TEKTL1: variants seen among roughly 807,000 people sequenced by gnomAD.
TEKTL1 encodes the protein tektin-like protein 1.
At chr19:15,014,738 C>CGGGGGG in the TEKTL1 span, among the ~76,000 whole-genome samples, 5 of 29,812 alleles carry the variant, frequency 1.7e-4, no homozygotes, top group African/African-American at 5.2e-4. Context: ...GGGCGGGGGG[C>CGGGGGG]GGGGGCTGCT....
chr19:15,022,969 G>A, the TEKTL1 span: 7 of 1,613,484 alleles, frequency 4.3e-6, no homozygotes, highest in Admixed American at 1.2e-4. Context: ...TCAACTGCAA[G>A]AACATCGGGC....
At chr19:15,013,607 T>G in the TEKTL1 span, 317 of 1,278,562 alleles carry the variant, frequency 2.5e-4, no homozygotes, top group African/African-American at 4.4e-3. Context: ...TCTACCACCC[T>G]GGAAAGAGGA....
chr19:15,022,471 GGT>G, the TEKTL1 span, among the ~76,000 whole-genome samples: 3 of 152,140 alleles, frequency 2.0e-5, no homozygotes, highest in Admixed American at 6.5e-5. Flanking sequence ...TGGGATTACA[GGT>G]GCGCGCCACC....
At chr19:15,011,359 C>G in the TEKTL1 span, 8 of 1,452,526 alleles carry the variant, frequency 5.5e-6, no homozygotes, top group African/African-American at 1.2e-4. Context: ...ACCAGCAGAG[C>G]GTCAAGCTGC....
At chr19:15,014,730 G>A in the TEKTL1 span, among the ~76,000 whole-genome samples, 39 of 125,210 alleles carry the variant, frequency 3.1e-4, 1 homozygote, top group Non-Finnish European at 5.3e-4. Context: ...CAGTGGGGGG[G>A]CGGGGGGCGG....
At chr19:15,022,922 G>T in the TEKTL1 span, 17 of 1,608,518 alleles carry the variant, frequency 1.1e-5, no homozygotes, top group Non-Finnish European at 1.4e-5. Flanking sequence ...GAACCTGGAC[G>T]AGCTGCTCGC....
chr19:15,022,993 C>T, the TEKTL1 span: 3 of 1,613,176 alleles, frequency 1.9e-6, no homozygotes, highest in Non-Finnish European at 2.5e-6. Flanking sequence ...AGGTGGACGG[C>T]AACGTGGTGC....
At chr19:15,010,870 C>A in the TEKTL1 span, 7 of 1,556,418 alleles carry the variant, frequency 4.5e-6, no homozygotes, top group South Asian at 1.2e-5. Context: ...AGGACACACG[C>A]GTTGGGGCCC....
the TEKTL1 span, chr19:15,013,662 C>T: frequency 0.54 from 869,369 of 1,600,618 alleles, 238,320 homozygotes; most frequent in African/African-American, 0.69. Flanking sequence ...ATTCTCTCCT[C>T]GTTTTCTAGG....
At chr19:15,022,734 TCCAGGCACACC>T in the TEKTL1 span, 1 of 892,962 alleles carries the variant, frequency 1.1e-6, no homozygotes, top group Non-Finnish European at 1.6e-6. Context: ...TTTTTTTTTT[TCCAGGCACACC>T]TGGCCCATTC....
At chr19:15,014,732 G>GGGGA in the TEKTL1 span, among the ~76,000 whole-genome samples, 1 of 118,460 alleles carries the variant, frequency 8.4e-6, no homozygotes. Context: ...GTGGGGGGGC[G>GGGGA]GGGGGCGGGG....
the TEKTL1 span, chr19:15,010,750 A>G: frequency 1.4e-5 from 20 of 1,428,832 alleles, no homozygotes; most frequent in Admixed American, 2.5e-5. Flanking sequence ...ACAGGCCAGG[A>G]AAGAGTTGTG....
At chr19:15,020,416 A>T in the TEKTL1 span, 1 of 1,559,416 alleles carries the variant, frequency 6.4e-7, no homozygotes, top group African/African-American at 1.4e-5. Context: ...CACTTCCCTC[A>T]ACCTCCCAGT....
chr19:15,011,460 G>A, the TEKTL1 span: 1 of 1,308,178 alleles, frequency 7.6e-7, no homozygotes, highest in Non-Finnish European at 9.9e-7. Flanking sequence ...GCTATGCGGT[G>A]TCCAGCCCCG....
the TEKTL1 span, chr19:15,011,047 C>T: frequency 6.3e-7 from 1 of 1,577,906 alleles, no homozygotes; most frequent in Admixed American, 1.8e-5. Flanking sequence ...GGCGCTTCCG[C>T]GTGGAGATGA....
chr19:15,011,692 C>T, the TEKTL1 span, among the ~76,000 whole-genome samples: 3 of 149,570 alleles, frequency 2.0e-5, no homozygotes, highest in Non-Finnish European at 4.4e-5. Context: ...CGAGATCGTG[C>T]CATTGCACTC....
the TEKTL1 span, among the ~76,000 whole-genome samples, chr19:15,011,981 T>G: frequency 2.0e-5 from 3 of 151,798 alleles, no homozygotes; most frequent in African/African-American, 7.3e-5. Flanking sequence ...GTTAGCTGGG[T>G]GTGTTGGTGC....
chr19:15,013,937 G>A, the TEKTL1 span, among the ~76,000 whole-genome samples: 3 of 152,144 alleles, frequency 2.0e-5, no homozygotes, highest in Non-Finnish European at 2.9e-5. Flanking sequence ...AAAAAGGGAG[G>A]TCATGGGAGA....
At chr19:15,022,741 A>G in the TEKTL1 span, 2 of 718,164 alleles carry the variant, frequency 2.8e-6, no homozygotes. Context: ...TTTTCCAGGC[A>G]CACCTGGCCC....
Sources: gnomAD v4.1 joint callset for allele counts (sites outside exome capture counted in the v4.1 genomes callset) on GRCh38, gnomAD v4.1.1 for gene constraint, MANE v1.5 for transcripts, NCBI Gene and HGNC (gene_info 2026-07-23, HGNC 2026-07-21) for gene names.